The following RCBTB1 variants were observed in gnomAD, a reference collection of about 807,000 sequenced individuals.
RCBTB1 encodes RCC1 and BTB domain-containing protein 1.
Under a neutral mutation model 62.4 loss-of-function variants are expected in RCBTB1, and 46 were observed. The observed-to-expected ratio is 0.74, with a 90% CI of 0.58 to 0.94. The LOEUF (loss-of-function observed/expected upper bound fraction) is 0.94, where lower values mean the gene tolerates loss of function less well. Among genes scored for constraint, RCBTB1 ranks in the 40% least tolerant of loss-of-function variants. The pLI, the probability that RCBTB1 is intolerant of heterozygous loss-of-function variation, is 0.00. For synonymous variants in RCBTB1, 222 were observed against 245.8 expected (o/e 0.90, Z 0.91); for missense variants, 565 against 654.9 (o/e 0.86, Z 1.50).
intron 10 of RCBTB1, 68 bp downstream of exon 10, chr13:49,544,669 C>T: frequency 7.6e-7 from 1 of 1,321,316 alleles, no homozygotes; most frequent in Non-Finnish European, 1.1e-6. Flanking sequence ...TTTATCAGTA[C>T]TCATTTTGTG....
intron 4 of RCBTB1, among the ~76,000 whole-genome samples, chr13:49,565,203 G>T (rs1962831440): frequency 6.6e-6 from 1 of 152,202 alleles, no homozygotes; most frequent in Admixed American, 6.5e-5. Context: ...TTTTGGTGGA[G>T]ACGGGGTTTC....
intron 5 of RCBTB1, among the ~76,000 whole-genome samples, chr13:49,558,832 G>A (rs1458462909): frequency 6.6e-6 from 1 of 152,114 alleles, no homozygotes; most frequent in Non-Finnish European, 1.5e-5. Flanking sequence ...GGCAGTAGGA[G>A]GTGCCCCTTG....
chr13:49,583,810 A>G (rs1964240530), intron 1 of RCBTB1, among the ~76,000 whole-genome samples: 1 of 152,180 alleles, frequency 6.6e-6, no homozygotes, highest in Non-Finnish European at 1.5e-5. Flanking sequence ...ATCTCCCAAA[A>G]TGCTGGGATT....
At chr13:49,579,518 G>C (rs1354402766) in intron 2 of RCBTB1, among the ~76,000 whole-genome samples, 1 of 152,036 alleles carries the variant, frequency 6.6e-6, no homozygotes, top group Non-Finnish European at 1.5e-5. Flanking sequence ...CAGCTACTCT[G>C]GAGGCTGAGG....
chr13:49,558,807 G>A (rs1369676867), intron 5 of RCBTB1, among the ~76,000 whole-genome samples: 1 of 151,934 alleles, frequency 6.6e-6, no homozygotes, highest in Non-Finnish European at 1.5e-5. Flanking sequence ...GTGATCGTTT[G>A]CTTTTGAACT....
chr13:49,545,751 A>C (rs1960738795), intron 9 of RCBTB1, among the ~76,000 whole-genome samples: 1 of 152,182 alleles, frequency 6.6e-6, no homozygotes, highest in African/African-American at 2.4e-5. Flanking sequence ...CCCACAGCTG[A>C]GTTAATAATC....
intron 5 of RCBTB1, among the ~76,000 whole-genome samples, chr13:49,556,246 G>T (rs745685467): frequency 6.7e-6 from 1 of 149,518 alleles, no homozygotes; most frequent in African/African-American, 2.5e-5. Flanking sequence ...CCCCAGGCTG[G>T]AGTGCAGTGG....
chr13:49,540,443 C>T (rs1960256423), intron 12 of RCBTB1, among the ~76,000 whole-genome samples: 1 of 152,214 alleles, frequency 6.6e-6, no homozygotes, highest in Non-Finnish European at 1.5e-5. Flanking sequence ...TAATTAGACA[C>T]TAATAGAATT....
At chr13:49,569,270 C>T (rs1234783435) in intron 2 of RCBTB1, among the ~76,000 whole-genome samples, 1 of 152,152 alleles carries the variant, frequency 6.6e-6, no homozygotes, top group Non-Finnish European at 1.5e-5. Flanking sequence ...ATCTTAAATG[C>T]TTTTAAAAGT....
intron 12 of RCBTB1, 61 bp downstream of exon 12, chr13:49,540,815 G>A (rs1200922459): frequency 2.1e-5 from 32 of 1,555,556 alleles, no homozygotes; most frequent in African/African-American, 2.8e-5. Flanking sequence ...CGCAAGAAGC[G>A]GGGGAGACGA....
chr13:49,571,334 G>A (rs373274582), intron 2 of RCBTB1, among the ~76,000 whole-genome samples: 16 of 151,840 alleles, frequency 1.1e-4, no homozygotes, highest in Middle Eastern at 3.4e-3. Flanking sequence ...GAAGAAGAGC[G>A]AAACCCCATC....
Position 49,540,923 on chromosome 13 carries a change from C to T in RCBTB1, c.1408G>A (p.Glu470Lys), listed in dbSNP as rs1269023587. ...QHIIKRGITV[E>K]NAFSLFSAAV... ...GCAGAGAATAGCGAAAAGGCATTCT[C>T]CACAGTAATTCCTCTCTTGATAATG... Residue 470 changes from glutamate to lysine, a missense_variant, in exon 12 of 13, where the codon GAG becomes AAG. Glu to Lys is a moderately conservative substitution (Grantham distance 56, BLOSUM62 1). Coordinates refer to ENST00000378302, the MANE Select transcript of RCBTB1 (RefSeq NM_018191.4). 5.6e-6 allele frequency: 9 copies of T among 1,613,904 alleles called. No homozygotes were observed. The South Asian group carries it at 9.9e-5, about 18-fold the overall frequency.
chr13:49,568,102 T>C (rs750810375), intron 2 of RCBTB1, among the ~76,000 whole-genome samples: 115 of 152,220 alleles, frequency 7.6e-4, no homozygotes, highest in Middle Eastern at 3.2e-3. Flanking sequence ...ACAGTGCTCA[T>C]GGAAGCACTA....
At chr13:49,538,918 C>G (rs1960133402) in intron 12 of RCBTB1, among the ~76,000 whole-genome samples, 1 of 145,114 alleles carries the variant, frequency 6.9e-6, no homozygotes, top group South Asian at 2.1e-4. Flanking sequence ...CAGAGTCTTG[C>G]TCTGTTGCCC....
chr13:49,545,989 A>T (rs1440508602), intron 9 of RCBTB1: 1 of 632,274 alleles, frequency 1.6e-6, no homozygotes, highest in Non-Finnish European at 2.0e-6. Context: ...ACCCCATGCA[A>T]TGCAGAGCTC....
At chr13:49,572,224 G>A (rs1963446969) in intron 2 of RCBTB1, among the ~76,000 whole-genome samples, 1 of 152,088 alleles carries the variant, frequency 6.6e-6, no homozygotes, top group Non-Finnish European at 1.5e-5. Context: ...CTACTTGGGA[G>A]GCTGAGGTGG....
intron 12 of RCBTB1, among the ~76,000 whole-genome samples, chr13:49,538,490 C>G (rs1960094854): frequency 6.6e-6 from 1 of 152,122 alleles, no homozygotes. Flanking sequence ...GTGGGAGGGA[C>G]ACTTGAGCCC....
intron 9 of RCBTB1, among the ~76,000 whole-genome samples, chr13:49,548,590 G>C (rs1397790718): frequency 2.2e-5 from 1 of 45,046 alleles, no homozygotes; most frequent in Non-Finnish European, 5.0e-5. Context: ...AACAAAATAT[G>C]GTGTATATAT....
chr13:49,554,411 A>T (rs976328309), intron 6 of RCBTB1, among the ~76,000 whole-genome samples: 25 of 152,204 alleles, frequency 1.6e-4, no homozygotes, highest in Non-Finnish European at 3.2e-4. Flanking sequence ...CATCCCAAGG[A>T]ATTCTGAAGT....
Sources: allele counts gnomAD v4.1 joint callset (sites outside exome capture counted in the v4.1 genomes callset), GRCh38; gene constraint gnomAD v4.1.1; transcripts MANE v1.5; gene names NCBI Gene and HGNC (gene_info 2026-07-23, HGNC 2026-07-21).